CAGE1: variants seen among roughly 807,000 people sequenced by gnomAD.
The protein encoded by CAGE1 is cancer-associated gene 1 protein.
Under a neutral mutation model 94.9 loss-of-function variants are expected in CAGE1, and 66 were observed. The ratio of observed to expected loss-of-function variants is 0.70; its 90% CI spans 0.57 to 0.85. The LOEUF is 0.85. CAGE1 is among the 40% of genes least tolerant of loss of function. CAGE1 has a pLI of 0.00. For missense variants in CAGE1, 865 were observed against 950.4 expected, an observed-to-expected ratio of 0.91 and a Z score of 1.18; for synonymous variants, 319 against 321.0, an observed-to-expected ratio of 0.99 and a Z score of 0.07.
intron 12 of CAGE1, among the ~76,000 whole-genome samples, chr6:7,330,133 A>G (rs768535246): frequency 3.3e-5 from 5 of 152,204 alleles, no homozygotes; most frequent in African/African-American, 7.2e-5. Flanking sequence ...CACACCTGTA[A>G]TCCCAGCACT....
rs1457026259 is a variant in CAGE1 at position 7,373,897 on chromosome 6, C to G, written c.922G>C (p.Val308Leu). The change falls in exon 5 of 14, where the codon GTC becomes CTC. Residue 308 changes from valine to leucine, a missense_variant. By Grantham distance (32) the Val-to-Leu change is conservative. Coordinates refer to ENST00000502583, the MANE Select transcript of CAGE1 (RefSeq NM_001170692.2). ...PVQEDMALNE[V>L]LQKLKHTNRK... The stretch of plus-strand genomic sequence containing the variant: ...TTAGTATGTTTTAATTTCTGCAAGA[C>G]TTCATTTAAAGCCATGTCCTCTTGA... 1.9e-6 allele frequency: 3 copies of G among 1,613,988 alleles called. No individual in the cohort carries two copies. Among genetic ancestry groups the G allele is most frequent in the Non-Finnish European group, 2.5e-6 (3 of 1,179,886 alleles).
chr6:7,376,258 A>G lies in CAGE1; in HGVS notation c.688-2127T>C, dbSNP rs546353100. Among the ~76,000 whole-genome samples, 12 of 151,986 alleles carry G rather than the reference A, an allele frequency of 7.9e-5. No homozygotes were observed. In the South Asian group the frequency reaches 2.5e-3, roughly 32 times the overall value. On this transcript the variant is annotated intron_variant, in intron 4 of 13. Transcript: ENST00000502583. ...CAAAAAATTAGCTGGGCGTGGTGGCACACACCTGTAATCCCAGCTACTGGG... is the reference window on the plus strand; with the variant it reads ...CAAAAAATTAGCTGGGCGTGGTGGCGCACACCTGTAATCCCAGCTACTGGG...
rs1386902755 is a variant in CAGE1, at chr6:7,369,975, G to A, written c.1837C>T (p.Leu613=). ...AGAAGACTGTGCATTTTGGAGGCCA[G>A]CTGAGAAGCTCTTTTTATATCTGCA... ...NPADIKRASQ[L]ASKMHSLLAL... The change falls in exon 6 of 14, where the codon CTG becomes TTG. Residue 613 remains leucine, a synonymous_variant. Coordinates refer to ENST00000502583, the MANE Select transcript of CAGE1 (RefSeq NM_001170692.2). 10 of 1,613,698 alleles carry A rather than the reference G, an allele frequency of 6.2e-6. No individual in the cohort carries two copies. The highest frequency in any genetic ancestry group is 8.5e-6 in the Non-Finnish European group (10 of 1,179,814).
At chr6:7,364,184 C>G (rs1254138623) in intron 9 of CAGE1, among the ~76,000 whole-genome samples, 1 of 152,116 alleles carries the variant, frequency 6.6e-6, no homozygotes. Flanking sequence ...TCCCTATGCC[C>G]AAATTTTACT....
intron 11 of CAGE1, among the ~76,000 whole-genome samples, chr6:7,340,650 C>G (rs556501126): frequency 6.6e-6 from 1 of 152,276 alleles, no homozygotes; most frequent in African/African-American, 2.4e-5. Flanking sequence ...AGGGTGATGA[C>G]TGGGTCAGAT....
At chr6:7,344,400 G>A (rs9379093) in intron 11 of CAGE1, among the ~76,000 whole-genome samples, 13,939 of 152,278 alleles carry the variant, frequency 0.092, 1,480 homozygotes, top group African/African-American at 0.26. Context: ...CCCCAGCAGT[G>A]CCAGCCCACC....
intron 9 of CAGE1, among the ~76,000 whole-genome samples, chr6:7,358,055 T>C (rs866033132): frequency 8.1e-6 from 1 of 123,844 alleles, no homozygotes; most frequent in Non-Finnish European, 1.7e-5. Context: ...TATATATATA[T>C]ATATATATAT....
At chr6:7,333,755 G>A (rs1202032147) in intron 12 of CAGE1, among the ~76,000 whole-genome samples, 3 of 142,694 alleles carry the variant, frequency 2.1e-5, no homozygotes, top group East Asian at 2.0e-4. Flanking sequence ...TGCAACCTCC[G>A]CCTCCCAGGT....
chr6:7,375,499 G>C (rs1455515205), intron 4 of CAGE1, among the ~76,000 whole-genome samples: 1 of 152,188 alleles, frequency 6.6e-6, no homozygotes, highest in African/African-American at 2.4e-5. Flanking sequence ...CACTTTGGGA[G>C]CCCAAGGTGA....
intron 11 of CAGE1, among the ~76,000 whole-genome samples, chr6:7,353,906 C>T (rs887200791): frequency 1.3e-5 from 2 of 151,764 alleles, no homozygotes; most frequent in African/African-American, 2.4e-5. Context: ...GACACAAAGG[C>T]GTAAGAATGA....
chr6:7,343,945 C>G (rs1759297506), intron 11 of CAGE1, among the ~76,000 whole-genome samples: 2 of 152,216 alleles, frequency 1.3e-5, no homozygotes, highest in African/African-American at 2.4e-5. Flanking sequence ...GGGATAGATT[C>G]ATCAAAAACA....
rs781000321 is a variant in CAGE1 at position 7,368,752 on chromosome 6, A to G, written c.1940T>C (p.Val647Ala). ...DAEHFKESEKVSDIMLQKLKS... is the reference protein window; with the variant it reads ...DAEHFKESEKASDIMLQKLKS... Reference sequence around the variant, plus strand: ...CAGTTTTTGCAGCATTATATCACTAACCTTCTCACTCTCTTTGAAATGTTC... The same window carrying G: ...CAGTTTTTGCAGCATTATATCACTAGCCTTCTCACTCTCTTTGAAATGTTC... The change falls in exon 7 of 14, where the codon GTT (valine) becomes GCT (alanine). Residue 647 changes from valine to alanine, a missense_variant. Transcript: ENST00000502583. 1.9e-6 allele frequency: 3 copies of G among 1,561,474 alleles called. No individual in the cohort carries two copies. The South Asian group carries it at 3.6e-5, about 19-fold the overall frequency.
intron 13 of CAGE1, among the ~76,000 whole-genome samples, chr6:7,327,814 C>T (rs1261725193): frequency 2.0e-5 from 3 of 152,066 alleles, no homozygotes; most frequent in Non-Finnish European, 4.4e-5. Flanking sequence ...CCTGTAACCC[C>T]AGCTACTCGG....
At chr6:7,350,444 A>C (rs62387912) in intron 11 of CAGE1, among the ~76,000 whole-genome samples, 1,593 of 152,340 alleles carry the variant, frequency 0.01, 19 homozygotes, top group Non-Finnish European at 0.015. Context: ...TCATCCAAGA[A>C]CTGCAGAATA....
intron 6 of CAGE1, among the ~76,000 whole-genome samples, chr6:7,369,196 T>C (rs1391465141): frequency 6.6e-6 from 1 of 151,950 alleles, no homozygotes; most frequent in African/African-American, 2.4e-5. Flanking sequence ...TTAGTAGAGA[T>C]GGGGTTTCAC....
chr6:7,355,139 T>C (rs1434643185), intron 10 of CAGE1, 28 bp from the exon 11 acceptor site: 2 of 1,475,790 alleles, frequency 1.4e-6, no homozygotes, highest in Non-Finnish European at 1.9e-6. Flanking sequence ...AAACCAATTA[T>C]TTTTCATTCT....
rs1761246206 is a variant in CAGE1 at position 7,389,201 on chromosome 6, C to T, written c.-24+1G>A. 2 of 451,776 alleles carry T rather than the reference C, an allele frequency of 4.4e-6. No individual in the cohort carries two copies. Among genetic ancestry groups the T allele is most frequent in the South Asian group, 3.1e-5 (2 of 64,358 alleles). The allele number at this position is 451,776 out of a possible 1,614,324, so 28.0% of individuals were successfully genotyped here. A position where few individuals can be genotyped will look rare whatever the true frequency, so the allele number is the denominator to read the frequency against. On this transcript the variant is annotated splice_donor_variant, in intron 1 of 13. Coordinates refer to ENST00000502583, the MANE Select transcript of CAGE1 (RefSeq NM_001170692.2). LOFTEE classifies it low-confidence loss of function (5UTR_SPLICE). ...TTTTTCAGTTGTAAGACAAACTTTA[C>T]CTTTTTAAAAAGCACTTATCTCATT... is the stretch of plus-strand genomic sequence containing the variant.
intron 3 of CAGE1, 133 bp from the exon 4 acceptor site, chr6:7,379,153 G>C (rs891743088): frequency 1.7e-5 from 10 of 574,778 alleles, no homozygotes; most frequent in African/African-American, 1.5e-4. Flanking sequence ...CTTATTTACT[G>C]TGTGAATTTT....
intron 13 of CAGE1, among the ~76,000 whole-genome samples, chr6:7,328,482 GAA>G (rs1312400106): frequency 6.6e-6 from 1 of 151,810 alleles, no homozygotes; most frequent in African/African-American, 2.4e-5. Flanking sequence ...GTAACTGAGA[GAA>G]AGAGTTGGGG....
Sources: gnomAD v4.1 joint callset for allele counts (sites outside exome capture counted in the v4.1 genomes callset) on GRCh38, gnomAD v4.1.1 for gene constraint, MANE v1.5 for transcripts, NCBI Gene and HGNC (gene_info 2026-07-23, HGNC 2026-07-21) for gene names.